MMP2: variants seen among roughly 807,000 people sequenced by gnomAD.
The protein encoded by MMP2 is matrix metallopeptidase 2, also known as 72 kDa type IV collagenase.
In MMP2, 39 loss-of-function variants were observed where a neutral mutation model predicts 74.8. The ratio of observed to expected loss-of-function variants is 0.52; its 90% CI spans 0.40 to 0.68. The LOEUF (loss-of-function observed/expected upper bound fraction) is 0.68. Among genes scored for constraint, MMP2 ranks in the 30% least tolerant of loss-of-function variants. The probability of loss-of-function intolerance (pLI) is 0.00; values close to 1 mark genes in which losing one functional copy is unlikely to be tolerated. For missense variants in MMP2, 803 were observed against 878.3 expected (o/e 0.91, Z 1.08); for synonymous variants, 367 against 339.8 (o/e 1.08, Z -0.88).
At position 55,498,423 on chromosome 16, in the gene MMP2, A is replaced by G. The variant is rs1658735888; in HGVS notation, c.1744A>G (p.Ile582Val). 4.0e-5 allele frequency: 65 copies of G among 1,614,206 alleles called. No individual in the cohort carries two copies. The highest frequency in any genetic ancestry group is 5.3e-5 in the Non-Finnish European group (63 of 1,180,046). ...FNWSKNKKTY[I>V]FAGDKFWRYN... Reference sequence around the variant, plus strand: ...CTGGAGCAAAAACAAGAAGACATACATCTTTGCTGGAGACAAATTCTGGAG... The same window carrying G: ...CTGGAGCAAAAACAAGAAGACATACGTCTTTGCTGGAGACAAATTCTGGAG... The change falls in exon 11 of 13, where the codon ATC becomes GTC. Residue 582 changes from isoleucine (I) to valine (V), a missense_variant. Ile to Val is a conservative substitution (Grantham distance 29). Coordinates refer to ENST00000219070, the MANE Select transcript of MMP2 (RefSeq NM_004530.6).
At chr16:55,498,575 A>G (rs778309485) in intron 11 of MMP2, 127 bp downstream of exon 11, 11 of 1,224,126 alleles carry the variant, frequency 9.0e-6, no homozygotes, top group Non-Finnish European at 1.3e-5. Flanking sequence ...TCTCTCTGGT[A>G]TCTAACCTCT....
rs143321576 is a variant in MMP2, at chr16:55,491,653, GA to G, written c.1181-138del. On this transcript the variant is annotated intron_variant, in intron 7 of 12. Transcript: ENST00000219070. ...ATTGATCCCAGAATTCTCAGGAAAA[GA>G]AAAAAAAAATCAATACATGCCGCTT... The G allele has an allele frequency of 8.1e-3, 7,232 of 889,918 alleles. 207 individuals are homozygous for G. In the African/African-American group the frequency reaches 0.083, roughly 10 times the overall value. 55.1% of individuals were successfully genotyped at this position (889,918 alleles called of 1,614,324 possible).
rs121912955 is a variant in MMP2 at position 55,491,830 on chromosome 16, G to A, written c.1210G>A (p.Glu404Lys). 1.2e-6 allele frequency: 2 copies of A among 1,614,172 alleles called. No individual in the cohort carries two copies. The highest frequency in any genetic ancestry group is 1.1e-5 in the South Asian group (1 of 91,084). The change falls in exon 8 of 13, where the codon GAG becomes AAG. Residue 404 changes from glutamate (E) to lysine (K), a missense_variant. Around this residue, in one of 3 missense-constraint regions of MMP2, gnomAD observed 555 missense variants for 592.0 expected, o/e 0.94. Coordinates refer to ENST00000219070, the MANE Select transcript of MMP2 (RefSeq NM_004530.6). ...CAGCCTGTTCCTCGTGGCAGCCCAC[G>A]AGTTTGGCCACGCCATGGGGCTGGA... ...GYSLFLVAAH[E>K]FGHAMGLEHS... is the part of the protein sequence containing the mutation.
intron 12 of MMP2, among the ~76,000 whole-genome samples, chr16:55,504,839 A>T (rs1304942974): frequency 6.6e-6 from 1 of 151,788 alleles, no homozygotes; most frequent in Non-Finnish European, 1.5e-5. Flanking sequence ...TTTTTAGTAG[A>T]GACGAGGTTT....
At chr16:55,503,977 A>G (rs1336226117) in intron 12 of MMP2, among the ~76,000 whole-genome samples, 1 of 152,046 alleles carries the variant, frequency 6.6e-6, no homozygotes, top group African/African-American at 2.4e-5. Flanking sequence ...ACATAGTGAG[A>G]CTCTATCTCT....
chr16:55,490,327 G>C (rs1315424144), intron 7 of MMP2, among the ~76,000 whole-genome samples: 4 of 152,160 alleles, frequency 2.6e-5, no homozygotes, highest in Non-Finnish European at 4.4e-5. Flanking sequence ...ACGCAGCCCT[G>C]GGGGAGCCCC....
Position 55,497,031 on chromosome 16 carries a change from C to T in MMP2, c.1578C>T (p.Ala526=), listed in dbSNP as rs1962548507. The T allele has an allele frequency of 6.2e-7, 1 of 1,614,138 alleles. No homozygotes were observed. The highest frequency in any genetic ancestry group is 1.3e-5 in the African/African-American group (1 of 75,054). ...LPEKIDAVYE[A]PQEEKAVFFA... Reference sequence around the variant, plus strand: ...AAAAGATTGATGCGGTATACGAGGCCCCACAGGAGGAGAAGGCTGTGTTCT... The same window carrying T: ...AAAAGATTGATGCGGTATACGAGGCTCCACAGGAGGAGAAGGCTGTGTTCT... Residue 526 remains alanine, a synonymous_variant, in exon 10 of 13, where the codon GCC becomes GCT. Transcript: ENST00000219070.
At chr16:55,503,706 T>C (rs998789706) in intron 12 of MMP2, among the ~76,000 whole-genome samples, 4 of 152,120 alleles carry the variant, frequency 2.6e-5, no homozygotes, top group Non-Finnish European at 5.9e-5. Flanking sequence ...AGTCACAAAC[T>C]CCAACAGCTC....
At chr16:55,490,521 G>A (rs1962379393) in intron 7 of MMP2, among the ~76,000 whole-genome samples, 1 of 152,180 alleles carries the variant, frequency 6.6e-6, no homozygotes, top group Admixed American at 6.5e-5. Context: ...GCTCAGTGCA[G>A]TGAGCAGGGT....
In MMP2 at chr16:55,505,431, C is replaced by G; in HGVS notation, c.1972C>G (p.Leu658Val). 1 of 1,614,014 alleles carries G rather than the reference C, an allele frequency of 6.2e-7. No homozygotes were observed. Among genetic ancestry groups the G allele is most frequent in the African/African-American group, 1.3e-5 (1 of 74,996 alleles). Residue 658 changes from leucine to valine, a missense_variant, in exon 13 of 13, where the codon CTA (leucine) becomes GTA (valine). Physicochemically the swap from Leu to Val is conservative, Grantham distance 32. Around this residue, in one of 3 missense-constraint regions of MMP2, gnomAD observed 555 missense variants for 592.0 expected, o/e 0.94. Coordinates refer to ENST00000219070, the MANE Select transcript of MMP2 (RefSeq NM_004530.6). The part of the protein sequence containing the change: ...VKFGSIKSDW[L>V]GC ...GTTTGGAAGCATCAAATCCGACTGG[C>G]TAGGCTGCTGAGCTGGCCCTGGCTC...
chr16:55,481,810 C>A (rs1567372248), intron 1 of MMP2: 1 of 739,534 alleles, frequency 1.4e-6, no homozygotes, highest in Non-Finnish European at 2.5e-6. Flanking sequence ...GTTTCTTCAT[C>A]TGCAAACTGG....
At chr16:55,499,167 T>TCA (rs1962603666) in intron 11 of MMP2, among the ~76,000 whole-genome samples, 1 of 24,012 alleles carries the variant, frequency 4.2e-5, no homozygotes, top group East Asian at 9.2e-4. Context: ...AGACTCCAAC[T>TCA]CAAAAAAAAA....
intron 1 of MMP2, chr16:55,482,023 A>G (rs1477382948): frequency 4.0e-6 from 2 of 506,186 alleles, no homozygotes; most frequent in Admixed American, 7.1e-5. Flanking sequence ...CTAACACAGT[A>G]CTTATCACAT....
At chr16:55,498,179 C>G in intron 10 of MMP2, 110 bp from the exon 11 acceptor site, 5 of 1,411,052 alleles carry the variant, frequency 3.5e-6, no homozygotes, top group Non-Finnish European at 5.0e-6. Flanking sequence ...GGAAGTTGCA[C>G]TCTGTTGGGA....
Position 55,491,996 on chromosome 16 carries a change from G to C in MMP2, c.1336+40G>C, listed in dbSNP as rs17859934. The C allele has an allele frequency of 3.6e-6, 5 of 1,408,252 alleles. No individual in the cohort carries two copies. In the South Asian group the frequency reaches 5.8e-5, roughly 16 times the overall value. 87.2% of individuals were successfully genotyped at this position (1,408,252 alleles called of 1,614,324 possible). ...GGGGGTTGGGGGTGGAGGGTGAGGA[G>C]GGGGGAGGTCATGTAGCCTGGGATG... On this transcript the variant is annotated intron_variant, in intron 8 of 12. Transcript: ENST00000219070.
intron 2 of MMP2, among the ~76,000 whole-genome samples, chr16:55,483,552 C>T (rs759328389): frequency 6.6e-6 from 1 of 150,624 alleles, no homozygotes; most frequent in Non-Finnish European, 1.5e-5. Flanking sequence ...TGATTGGTAG[C>T]TAATTGGGTT....
chr16:55,502,947 G>A, intron 12 of MMP2, 59 bp downstream of exon 12: 2 of 1,369,086 alleles, frequency 1.5e-6, no homozygotes, highest in African/African-American at 1.4e-5. Flanking sequence ...CCAGGGCCCA[G>A]CTCCTTGCAA....
At chr16:55,480,579 AGCCTGGCCGCAGTGTTGC>A (rs1330725859) in intron 1 of MMP2, 1 of 152,438 alleles carries the variant, frequency 6.6e-6, no homozygotes, top group East Asian at 1.9e-4. Context: ...AGGGGCACTG[AGCCTGGCCGCAGTGTTGC>A]GTAAGTAGGG....
intron 8 of MMP2, 33 bp downstream of exon 8, chr16:55,491,989 G>GGT: frequency 7.1e-7 from 1 of 1,406,558 alleles, no homozygotes; most frequent in Non-Finnish European, 9.9e-7. Flanking sequence ...GGGGTGGAGG[G>GGT]TGAGGAGGGG....
Sources: allele counts gnomAD v4.1 joint callset (sites outside exome capture counted in the v4.1 genomes callset), GRCh38; gene constraint gnomAD v4.1.1; regional missense constraint gnomAD v4.1.1; transcripts MANE v1.5; gene names NCBI Gene and HGNC (gene_info 2026-07-23, HGNC 2026-07-21).